GABRG3: variants seen among roughly 807,000 people sequenced by gnomAD.
GABRG3 encodes gamma-aminobutyric acid type A receptor subunit gamma3, also known as gamma-aminobutyric acid receptor subunit gamma-3.
A neutral mutation model predicts 48.8 loss-of-function variants in GABRG3; 25 were observed. That is an observed-to-expected ratio of 0.51 (90% CI 0.37 to 0.72). The LOEUF is 0.72. GABRG3 is among the 30% of genes least tolerant of loss of function. The probability of loss-of-function intolerance (pLI) is 0.00; values close to 1 mark genes in which losing one functional copy is unlikely to be tolerated. For missense variants in GABRG3, 394 were observed against 577.9 expected (o/e 0.68, Z 3.26); for synonymous variants, 227 against 217.6 (o/e 1.04, Z -0.38).
At chr15:27,144,694 G>A (rs1898166435) in intron 3 of GABRG3, among the ~76,000 whole-genome samples, 1 of 152,216 alleles carries the variant, frequency 6.6e-6, no homozygotes, top group Admixed American at 6.5e-5. Flanking sequence ...CATGCCCAGT[G>A]TCATATGCAT....
chr15:27,021,983 C>T (rs1895903074), intron 2 of GABRG3, among the ~76,000 whole-genome samples: 1 of 152,146 alleles, frequency 6.6e-6, no homozygotes, highest in African/African-American at 2.4e-5. Context: ...GGATGCCTGC[C>T]ACCTCCATGC....
chr15:27,448,445 G>T (rs908118599), intron 5 of GABRG3, among the ~76,000 whole-genome samples: 1 of 152,194 alleles, frequency 6.6e-6, no homozygotes, highest in Non-Finnish European at 1.5e-5. Context: ...CACTCATGAC[G>T]TAATTATTCA....
chr15:27,444,864 T>C (rs148761105), intron 5 of GABRG3, among the ~76,000 whole-genome samples: 30 of 152,296 alleles, frequency 2.0e-4, no homozygotes, highest in African/African-American at 7.2e-4. Flanking sequence ...ATGAATAATA[T>C]TGTTAAGAAC....
At chr15:27,197,455 T>G (rs564072259) in intron 3 of GABRG3, among the ~76,000 whole-genome samples, 1 of 145,980 alleles carries the variant, frequency 6.9e-6, no homozygotes, top group South Asian at 2.3e-4. Context: ...CCCACTCTAT[T>G]TCCTTTAACG....
intron 3 of GABRG3, among the ~76,000 whole-genome samples, chr15:27,051,276 T>C (rs548224422): frequency 6.6e-6 from 1 of 152,336 alleles, no homozygotes; most frequent in Non-Finnish European, 1.5e-5. Flanking sequence ...GAAATGCTGT[T>C]TTATTGATTT....
intron 2 of GABRG3, among the ~76,000 whole-genome samples, chr15:26,994,483 A>G (rs914074274): frequency 6.6e-6 from 1 of 151,090 alleles, no homozygotes; most frequent in African/African-American, 2.4e-5. Flanking sequence ...ACTAATAAAA[A>G]CTCTACACTT....
At chr15:27,231,480 C>G (rs1486376611) in intron 3 of GABRG3, among the ~76,000 whole-genome samples, 1 of 150,950 alleles carries the variant, frequency 6.6e-6, no homozygotes, top group African/African-American at 2.5e-5. Context: ...CAGAAGAGGG[C>G]TTGGTCCATT....
intron 3 of GABRG3, among the ~76,000 whole-genome samples, chr15:27,204,145 T>A (rs930877109): frequency 1.3e-5 from 2 of 152,148 alleles, no homozygotes; most frequent in Non-Finnish European, 2.9e-5. Context: ...AGTACAGTAT[T>A]TCTTAGGTTT....
At chr15:27,387,099 A>G (rs551633828) in intron 5 of GABRG3, among the ~76,000 whole-genome samples, 1 of 152,304 alleles carries the variant, frequency 6.6e-6, no homozygotes, top group South Asian at 2.1e-4. Flanking sequence ...CTCCAAATAT[A>G]CTATGATCAG....
intron 3 of GABRG3, among the ~76,000 whole-genome samples, chr15:27,184,537 T>C (rs1360790304): frequency 6.6e-6 from 1 of 152,206 alleles, no homozygotes; most frequent in East Asian, 1.9e-4. Flanking sequence ...GCTTATGCTC[T>C]GGTGGAGGAG....
At chr15:26,978,207 T>C (rs974788140) in intron 2 of GABRG3, among the ~76,000 whole-genome samples, 10 of 152,252 alleles carry the variant, frequency 6.6e-5, no homozygotes, top group Non-Finnish European at 1.2e-4. Flanking sequence ...TCTTATTTTA[T>C]TTTTTTACTG....
At chr15:27,020,526 C>A (rs1895870776) in intron 2 of GABRG3, among the ~76,000 whole-genome samples, 2 of 152,298 alleles carry the variant, frequency 1.3e-5, no homozygotes, top group Admixed American at 6.5e-5. Context: ...ATTCTCCTGC[C>A]TCAGCCTCCT....
At chr15:27,192,085 C>G (rs189938988) in intron 3 of GABRG3, among the ~76,000 whole-genome samples, 1 of 152,084 alleles carries the variant, frequency 6.6e-6, no homozygotes, top group Non-Finnish European at 1.5e-5. Flanking sequence ...GAGTTTCTGC[C>G]GAGAGATCCG....
At chr15:27,403,734 G>A (rs977045364) in intron 5 of GABRG3, among the ~76,000 whole-genome samples, 1 of 151,486 alleles carries the variant, frequency 6.6e-6, no homozygotes, top group African/African-American at 2.4e-5. Context: ...TCAACATGGT[G>A]AAACCCCGTC....
At chr15:27,213,275 A>G (rs1196794340) in intron 3 of GABRG3, among the ~76,000 whole-genome samples, 5 of 152,228 alleles carry the variant, frequency 3.3e-5, no homozygotes, top group Non-Finnish European at 5.9e-5. Context: ...CTTCATGGTT[A>G]TGTCAAAATA....
intron 5 of GABRG3, among the ~76,000 whole-genome samples, chr15:27,337,330 G>A (rs1357094392): frequency 2.0e-5 from 3 of 152,046 alleles, no homozygotes; most frequent in Non-Finnish European, 4.4e-5. Flanking sequence ...AAGCAAAAGG[G>A]AACAGGTGGA....
chr15:27,342,162 G>A (rs1419739675), intron 5 of GABRG3, among the ~76,000 whole-genome samples: 1 of 152,214 alleles, frequency 6.6e-6, no homozygotes, highest in Non-Finnish European at 1.5e-5. Flanking sequence ...GCGCCAAGCA[G>A]TGGCCAAAGA....
chr15:27,237,166 C>G (rs145982141), intron 3 of GABRG3, among the ~76,000 whole-genome samples: 205 of 152,348 alleles, frequency 1.3e-3, no homozygotes, highest in African/African-American at 4.7e-3. Context: ...GAGCCTCCTT[C>G]AGACATATTT....
At chr15:27,497,944 A>G (rs1890527548) in intron 6 of GABRG3, among the ~76,000 whole-genome samples, 1 of 152,048 alleles carries the variant, frequency 6.6e-6, no homozygotes, top group Non-Finnish European at 1.5e-5. Flanking sequence ...TTTGATTCCA[A>G]GTTTGTTTAC....
Sources: allele counts gnomAD v4.1 joint callset (sites outside exome capture counted in the v4.1 genomes callset), GRCh38; gene constraint gnomAD v4.1.1; transcripts MANE v1.5; gene names NCBI Gene and HGNC (gene_info 2026-07-23, HGNC 2026-07-21).